Variants in MMP16 observed in about 807,000 individuals in gnomAD.
The protein encoded by MMP16 is matrix metallopeptidase 16.
MMP16 carries 12 observed loss-of-function variants against 67.8 expected under a neutral mutation model. The ratio of observed to expected loss-of-function variants is 0.18; its 90% CI spans 0.11 to 0.29. MMP16 has a LOEUF of 0.29. Ranked by LOEUF, MMP16 falls within the 10% of genes least tolerant of loss-of-function variation. The probability of loss-of-function intolerance (pLI) is 1.00; values close to 1 mark genes in which losing one functional copy is unlikely to be tolerated. For missense variants in MMP16, 475 were observed against 765.7 expected, an observed-to-expected ratio of 0.62 and a Z score of 4.48; for synonymous variants, 249 against 255.9, an observed-to-expected ratio of 0.97 and a Z score of 0.26.
At chr8:88,084,410 G>C (rs531806780) in intron 6 of MMP16, among the ~76,000 whole-genome samples, 5 of 151,716 alleles carry the variant, frequency 3.3e-5, no homozygotes, top group Admixed American at 6.6e-5. Context: ...ATCCTAAAAT[G>C]TGAGATAGTT....
intron 1 of MMP16, among the ~76,000 whole-genome samples, chr8:88,291,085 A>C (rs1340025717): frequency 6.6e-6 from 1 of 152,106 alleles, no homozygotes; most frequent in Non-Finnish European, 1.5e-5. Flanking sequence ...GTTTGCGATC[A>C]GCCTGGGCAA....
chr8:88,307,701 C>T (rs1811231843), intron 1 of MMP16, among the ~76,000 whole-genome samples: 1 of 151,794 alleles, frequency 6.6e-6, no homozygotes, highest in Non-Finnish European at 1.5e-5. Context: ...CTTAATACTG[C>T]TCTGGAACAA....
chr8:88,269,627 C>T (rs1397736143), intron 1 of MMP16, among the ~76,000 whole-genome samples: 1 of 152,148 alleles, frequency 6.6e-6, no homozygotes, highest in Non-Finnish European at 1.5e-5. Context: ...TTCCATTCAG[C>T]CTGGAAAATA....
chr8:88,134,374 A>G (rs1586168366), intron 4 of MMP16, among the ~76,000 whole-genome samples: 2 of 151,836 alleles, frequency 1.3e-5, no homozygotes, highest in African/African-American at 4.8e-5. Context: ...GTAAGGTTTA[A>G]TTCAACTTCA....
intron 1 of MMP16, among the ~76,000 whole-genome samples, chr8:88,265,961 T>G (rs1810470642): frequency 6.6e-6 from 1 of 152,184 alleles, no homozygotes; most frequent in Non-Finnish European, 1.5e-5. Context: ...CAATCAGGAC[T>G]ATTATTCTTT....
intron 3 of MMP16, among the ~76,000 whole-genome samples, chr8:88,181,565 T>C (rs973616419): frequency 1.3e-5 from 2 of 151,090 alleles, no homozygotes; most frequent in African/African-American, 4.8e-5. Flanking sequence ...AGATGAACTA[T>C]ATTTTATATA....
intron 1 of MMP16, among the ~76,000 whole-genome samples, chr8:88,287,365 C>T (rs554569906): frequency 2.6e-5 from 4 of 152,296 alleles, no homozygotes; most frequent in African/African-American, 9.6e-5. Flanking sequence ...AATTCCTGCC[C>T]GTTCTTTGGA....
chr8:88,275,427 T>G (rs1490783381), intron 1 of MMP16, among the ~76,000 whole-genome samples: 1 of 151,970 alleles, frequency 6.6e-6, no homozygotes, highest in Non-Finnish European at 1.5e-5. Context: ...AATAATGACT[T>G]TAGTTCCAAT....
intron 1 of MMP16, among the ~76,000 whole-genome samples, chr8:88,239,864 C>T (rs1292726713): frequency 6.6e-6 from 1 of 152,132 alleles, no homozygotes; most frequent in Non-Finnish European, 1.5e-5. Flanking sequence ...AATATAAGAA[C>T]TAATATGCTC....
chr8:88,263,543 A>C (rs1320001355), intron 1 of MMP16, among the ~76,000 whole-genome samples: 1 of 152,186 alleles, frequency 6.6e-6, no homozygotes, highest in Admixed American at 6.5e-5. Context: ...GTTTAACATC[A>C]AGGTAACAGC....
chr8:88,260,871 T>A (rs1467249), intron 1 of MMP16, among the ~76,000 whole-genome samples: 32,924 of 152,080 alleles, frequency 0.22, 4,138 homozygotes, highest in African/African-American at 0.34. Context: ...CTATAAATAC[T>A]TTAGAGAAGT....
chr8:88,309,067 T>C (rs1271628263), intron 1 of MMP16, among the ~76,000 whole-genome samples: 4 of 152,196 alleles, frequency 2.6e-5, no homozygotes, highest in East Asian at 1.9e-4. Flanking sequence ...TCAAGCATTG[T>C]TGAGTGACAA....
At chr8:88,253,799 C>T (rs1810261449) in intron 1 of MMP16, among the ~76,000 whole-genome samples, 1 of 151,952 alleles carries the variant, frequency 6.6e-6, no homozygotes, top group Admixed American at 6.6e-5. Context: ...ACTAGCTAAA[C>T]AGCAATCATT....
intron 1 of MMP16, among the ~76,000 whole-genome samples, chr8:88,316,672 T>C (rs969758473): frequency 1.3e-5 from 2 of 152,206 alleles, no homozygotes; most frequent in African/African-American, 4.8e-5. Context: ...ACTGTTTTCT[T>C]TATGCCTGCT....
chr8:88,185,660 C>G (rs965098925), intron 3 of MMP16, among the ~76,000 whole-genome samples: 1 of 152,092 alleles, frequency 6.6e-6, no homozygotes, highest in African/African-American at 2.4e-5. Context: ...AGTATCTTTC[C>G]TCTTCTCCTG....
At chr8:88,138,942 C>CA (rs1272657526) in intron 4 of MMP16, among the ~76,000 whole-genome samples, 3 of 152,104 alleles carry the variant, frequency 2.0e-5, no homozygotes, top group South Asian at 2.1e-4. Context: ...CAGGTTCACT[C>CA]AATCACTTTT....
intron 6 of MMP16, among the ~76,000 whole-genome samples, chr8:88,102,797 A>G (rs1459412930): frequency 6.6e-6 from 1 of 151,812 alleles, no homozygotes; most frequent in Non-Finnish European, 1.5e-5. Context: ...GACCAAATAT[A>G]TATTTTATAA....
Position 88,037,102 on chromosome 8 carries a change from G to A in MMP16, c.*4359C>T, listed in dbSNP as rs1045818944. The A allele has an allele frequency of 1.5e-4, 22 of 149,758 alleles. No homozygotes were observed. Among genetic ancestry groups the A allele is most frequent in the Non-Finnish European group, 1.3e-4 (9 of 67,324 alleles). The allele number at this position is 149,758 out of a possible 1,614,324, so 9.3% of individuals were successfully genotyped here. On this transcript the variant is annotated 3_prime_UTR_variant, in exon 10 of 10. Coordinates refer to ENST00000286614, the MANE Select transcript of MMP16 (RefSeq NM_005941.5). Reference sequence around the variant, plus strand: ...TCCACTGTAAGATCCACAAAGTGTGGGCGTGTATGTGTACCATACTAGATA... The same window carrying A: ...TCCACTGTAAGATCCACAAAGTGTGAGCGTGTATGTGTACCATACTAGATA...
chr8:88,091,567 ACACT>A (rs76860443), intron 6 of MMP16, among the ~76,000 whole-genome samples: 10,386 of 151,822 alleles, frequency 0.068, 436 homozygotes, highest in East Asian at 0.17. Flanking sequence ...ACAAACACAC[ACACT>A]CACACACACA....
Sources: gnomAD v4.1 joint callset for allele counts (sites outside exome capture counted in the v4.1 genomes callset) on GRCh38, gnomAD v4.1.1 for gene constraint, MANE v1.5 for transcripts, NCBI Gene and HGNC (gene_info 2026-07-23, HGNC 2026-07-21) for gene names.